RNF150: variants seen among roughly 807,000 people sequenced by gnomAD.
RNF150 encodes ring finger protein 150.
RNF150 carries 24 observed loss-of-function variants against 39.3 expected under a neutral mutation model. That is an observed-to-expected ratio of 0.61 (90% confidence interval 0.44 to 0.86). The LOEUF is 0.86. Ranked by LOEUF, RNF150 falls within the 40% of genes least tolerant of loss-of-function variation. The pLI, the probability that RNF150 is intolerant of heterozygous loss-of-function variation, is 0.00. For missense variants in RNF150, 502 were observed against 587.8 expected, an observed-to-expected ratio of 0.85 and a Z score of 1.51; for synonymous variants, 255 against 227.3, an observed-to-expected ratio of 1.12 and a Z score of -1.10.
In RNF150 at chr4:140,985,769, T is replaced by C. The variant is rs187206426; in HGVS notation, c.485-17896A>G. 2.3e-3 allele frequency among the ~76,000 whole-genome samples: 355 copies of C among 152,260 alleles called. 3 individuals carry two copies. The highest frequency in any genetic ancestry group is 0.019 in the Admixed American group (286 of 15,272). ...ATTTTGAAATGACATTTTGGATATA[T>C]GGGTTATATAAGATATTTTAGTTTT... On this transcript the variant is annotated intron_variant, in intron 1 of 6. Transcript: ENST00000515673.
intron 1 of RNF150, among the ~76,000 whole-genome samples, chr4:141,062,734 A>T (rs1235167333): frequency 6.6e-6 from 1 of 152,086 alleles, no homozygotes; most frequent in African/African-American, 2.4e-5. Context: ...ACATAGGTAT[A>T]TTGTATTATG....
At chr4:141,021,200 A>G (rs551210609) in intron 1 of RNF150, among the ~76,000 whole-genome samples, 2 of 152,222 alleles carry the variant, frequency 1.3e-5, no homozygotes, top group South Asian at 4.2e-4. Context: ...GAGGAACCCA[A>G]TTAGGTATCA....
chr4:141,094,027 T>C (rs1738687313), intron 1 of RNF150, among the ~76,000 whole-genome samples: 1 of 151,986 alleles, frequency 6.6e-6, no homozygotes, highest in African/African-American at 2.4e-5. Flanking sequence ...GCTCAACAGA[T>C]GATATAGATA....
chr4:140,925,448 C>G (rs928563737), intron 5 of RNF150, among the ~76,000 whole-genome samples: 2 of 152,202 alleles, frequency 1.3e-5, no homozygotes, highest in Non-Finnish European at 2.9e-5. Context: ...GTAGCTCTGG[C>G]TCTGGTTTCC....
At chr4:141,042,486 G>A (rs887156687) in intron 1 of RNF150, among the ~76,000 whole-genome samples, 4 of 151,920 alleles carry the variant, frequency 2.6e-5, no homozygotes, top group African/African-American at 9.7e-5. Context: ...CCTTCCTTGA[G>A]GCTTTCTCTA....
At chr4:140,949,481 G>C (rs749641873) in intron 2 of RNF150, 109 bp from the exon 3 acceptor site, 7 of 879,766 alleles carry the variant, frequency 8.0e-6, no homozygotes, top group Admixed American at 3.8e-5. Context: ...ATGCACATGT[G>C]GTATGAATGC....
At chr4:141,164,054 T>C (rs1727558893) in intron 1 of RNF150, among the ~76,000 whole-genome samples, 1 of 151,336 alleles carries the variant, frequency 6.6e-6, no homozygotes, top group South Asian at 2.1e-4. Flanking sequence ...CTAAGAACCT[T>C]GATAAAACGT....
At chr4:140,885,754 C>A (rs1729548576) in intron 6 of RNF150, among the ~76,000 whole-genome samples, 1 of 152,002 alleles carries the variant, frequency 6.6e-6, no homozygotes, top group South Asian at 2.1e-4. Context: ...AGGTGCATAC[C>A]ATCATGCCCA....
chr4:140,984,292 C>A (rs1733952882), intron 1 of RNF150, among the ~76,000 whole-genome samples: 1 of 152,100 alleles, frequency 6.6e-6, no homozygotes, highest in African/African-American at 2.4e-5. Flanking sequence ...AAATAAAACA[C>A]TACATATCCT....
intron 1 of RNF150, among the ~76,000 whole-genome samples, chr4:141,199,910 C>T (rs561689180): frequency 6.6e-6 from 1 of 152,036 alleles, no homozygotes; most frequent in Non-Finnish European, 1.5e-5. Flanking sequence ...TAGTAGAATG[C>T]CCTCAATATT....
At chr4:141,147,047 C>T (rs1007429933) in intron 1 of RNF150, among the ~76,000 whole-genome samples, 3 of 152,122 alleles carry the variant, frequency 2.0e-5, no homozygotes, top group African/African-American at 4.8e-5. Flanking sequence ...TGCAACCTCC[C>T]GTGCTCAATC....
At chr4:141,027,252 G>T (rs1458801717) in intron 1 of RNF150, among the ~76,000 whole-genome samples, 2 of 152,154 alleles carry the variant, frequency 1.3e-5, no homozygotes, top group Non-Finnish European at 2.9e-5. Context: ...GCTTCAAAAG[G>T]AATAGAGTAT....
At chr4:141,075,121 G>A (rs142049224) in intron 1 of RNF150, among the ~76,000 whole-genome samples, 48 of 152,346 alleles carry the variant, frequency 3.2e-4, no homozygotes, top group Non-Finnish European at 5.7e-4. Flanking sequence ...AAGGGAAGCC[G>A]GTTTCAGAGC....
intron 1 of RNF150, among the ~76,000 whole-genome samples, chr4:141,045,006 T>C (rs1014820529): frequency 1.3e-5 from 2 of 152,236 alleles, no homozygotes; most frequent in African/African-American, 4.8e-5. Context: ...TTATGTCTTT[T>C]AACTTTTACA....
At chr4:140,917,699 ATCTACAGAAC>A (rs1730898065) in intron 5 of RNF150, among the ~76,000 whole-genome samples, 1 of 152,166 alleles carries the variant, frequency 6.6e-6, no homozygotes, top group Non-Finnish European at 1.5e-5. Flanking sequence ...CCTAATAGAC[ATCTACAGAAC>A]TCTCCACCCC....
intron 6 of RNF150, among the ~76,000 whole-genome samples, chr4:140,881,061 A>C (rs1347052588): frequency 6.6e-6 from 1 of 151,490 alleles, no homozygotes; most frequent in Non-Finnish European, 1.5e-5. Flanking sequence ...CTAATTTTGA[A>C]TTTGGTTTGT....
intron 1 of RNF150, among the ~76,000 whole-genome samples, chr4:141,105,490 T>C (rs1739166273): frequency 6.6e-6 from 1 of 152,198 alleles, no homozygotes; most frequent in South Asian, 2.1e-4. Context: ...ACCAAAATGT[T>C]CTTTTCTTGC....
intron 4 of RNF150, among the ~76,000 whole-genome samples, chr4:140,927,645 T>A (rs1208730717): frequency 9.5e-6 from 1 of 105,478 alleles, no homozygotes; most frequent in African/African-American, 3.6e-5. Flanking sequence ...CTTGTTTTTT[T>A]GTTTCTTTTT....
At chr4:141,036,414 T>C (rs918607617) in intron 1 of RNF150, among the ~76,000 whole-genome samples, 5 of 152,166 alleles carry the variant, frequency 3.3e-5, no homozygotes, top group African/African-American at 1.2e-4. Context: ...AAATTGACCA[T>C]CCGAACCATT....
Sources: gnomAD v4.1 joint callset for allele counts (sites outside exome capture counted in the v4.1 genomes callset) on GRCh38, gnomAD v4.1.1 for gene constraint, MANE v1.5 for transcripts, NCBI Gene and HGNC (gene_info 2026-07-23, HGNC 2026-07-21) for gene names.